SUMF1: variants seen among roughly 807,000 people sequenced by gnomAD.
SUMF1 encodes the protein formylglycine-generating enzyme.
SUMF1 carries 48 observed loss-of-function variants against 47.6 expected under a neutral mutation model. That is an observed-to-expected ratio of 1.01 (90% CI 0.80 to 1.28). The LOEUF (loss-of-function observed/expected upper bound fraction) is 1.28. Ranked by LOEUF, SUMF1 falls within the 50% of genes most tolerant of loss-of-function variation. The probability of loss-of-function intolerance (pLI) is 0.00; values close to 1 mark genes in which losing one functional copy is unlikely to be tolerated. For missense variants in SUMF1, 571 were observed against 485.4 expected, an observed-to-expected ratio of 1.18 and a Z score of -1.66; for synonymous variants, 230 against 192.1, an observed-to-expected ratio of 1.20 and a Z score of -1.63.
In SUMF1 at chr3:4,467,096, G is replaced by A. The variant is rs761237429; in HGVS notation, c.150C>T (p.Cys50=). The change falls in exon 1 of 9, where the codon TGC becomes TGT. Residue 50 remains cysteine, a synonymous_variant. Coordinates refer to ENST00000272902, the MANE Select transcript of SUMF1 (RefSeq NM_182760.4). ...CAGGCCGCTGGGGCGTGCCGCAGCC[G>A]CAAGAACCCGCAAGGGACCCCGCGC... is the stretch of plus-strand genomic sequence containing the variant. ...GAGAGSLAGS[C]GCGTPQRPGA... is the part of the protein sequence containing the mutation. The A allele has an allele frequency of 3.8e-6, 6 of 1,560,616 alleles. No homozygotes were observed. The highest frequency in any genetic ancestry group is 5.2e-6 in the Non-Finnish European group (6 of 1,153,768).
intron 8 of SUMF1, among the ~76,000 whole-genome samples, chr3:4,271,479 A>ATAGAT (rs1409851669): frequency 2.2e-5 from 3 of 133,558 alleles, no homozygotes; most frequent in African/African-American, 9.6e-5. Flanking sequence ...AGATAGATAG[A>ATAGAT]TAGATAGATA....
chr3:4,164,184 T>C (rs1335755254), intron 8 of SUMF1, among the ~76,000 whole-genome samples: 1 of 152,042 alleles, frequency 6.6e-6, no homozygotes, highest in African/African-American at 2.4e-5. Flanking sequence ...CAATTACAAC[T>C]GAGGAGGTGG....
At chr3:4,222,557 C>T (rs1256402266) in intron 8 of SUMF1, among the ~76,000 whole-genome samples, 1 of 151,998 alleles carries the variant, frequency 6.6e-6, no homozygotes, top group African/African-American at 2.4e-5. Flanking sequence ...GAGTTACTCC[C>T]CTCAGCAGCC....
At chr3:4,227,598 C>G (rs972451806) in intron 8 of SUMF1, among the ~76,000 whole-genome samples, 2 of 152,124 alleles carry the variant, frequency 1.3e-5, no homozygotes, top group African/African-American at 2.4e-5. Flanking sequence ...TCCACACTCT[C>G]CCTAATCCAG....
chr3:4,381,267 C>T (rs549745431), intron 7 of SUMF1, among the ~76,000 whole-genome samples: 2 of 152,114 alleles, frequency 1.3e-5, no homozygotes, highest in Non-Finnish European at 2.9e-5. Flanking sequence ...TGTTCTCACT[C>T]ATAAGTGGGA....
chr3:4,123,351 C>T (rs903010182), intron 8 of SUMF1, among the ~76,000 whole-genome samples: 2 of 152,106 alleles, frequency 1.3e-5, no homozygotes, highest in Admixed American at 6.5e-5. Context: ...AGCTAAGTTC[C>T]ATATTCTGCA....
intron 8 of SUMF1, among the ~76,000 whole-genome samples, chr3:4,122,664 T>G (rs1167057848): frequency 6.6e-6 from 1 of 152,126 alleles, no homozygotes; most frequent in Non-Finnish European, 1.5e-5. Flanking sequence ...ATGGCAGACA[T>G]GGGATCAAGA....
At chr3:4,313,674 G>A (rs1033437042) in intron 8 of SUMF1, 12 of 1,613,840 alleles carry the variant, frequency 7.4e-6, no homozygotes, top group Admixed American at 1.7e-5. Context: ...TAGAAAAGTC[G>A]AACATCAGTT....
At chr3:4,310,852 A>G (rs1014941020) in intron 8 of SUMF1, among the ~76,000 whole-genome samples, 6 of 152,222 alleles carry the variant, frequency 3.9e-5, no homozygotes, top group Non-Finnish European at 8.8e-5. Context: ...AATCAACTTA[A>G]AAGTTTAACA....
intron 1 of SUMF1, among the ~76,000 whole-genome samples, chr3:4,462,009 C>A (rs777864428): frequency 6.6e-6 from 1 of 152,212 alleles, no homozygotes. Flanking sequence ...AAGAATGACT[C>A]TATTATTCAT....
At position 4,232,179 on chromosome 3, in the gene SUMF1, G is replaced by A. The variant is rs184543327; in HGVS notation, c.1014+144151C>T. On this transcript the variant is annotated intron_variant and NMD_transcript_variant, in intron 8 of 12. Transcript: ENST00000448413. ...TAATTTTATCAAAAGCAACCATACTGGGGCAGGAGAGTGTCAGACCCAATA... is the reference window on the plus strand; with the variant it reads ...TAATTTTATCAAAAGCAACCATACTAGGGCAGGAGAGTGTCAGACCCAATA... Among the ~76,000 whole-genome samples, 285 of 152,164 alleles carry A rather than the reference G, an allele frequency of 1.9e-3. 1 individual carries two copies. Among genetic ancestry groups the A allele is most frequent in the Middle Eastern group, 6.8e-3 (2 of 294 alleles).
intron 8 of SUMF1, among the ~76,000 whole-genome samples, chr3:4,222,509 A>G (rs778480043): frequency 3.9e-5 from 6 of 151,974 alleles, no homozygotes; most frequent in African/African-American, 9.7e-5. Context: ...CTCAAATCCA[A>G]CCTGGATGTA....
At chr3:4,236,136 A>G (rs995916279) in intron 8 of SUMF1, among the ~76,000 whole-genome samples, 2 of 152,196 alleles carry the variant, frequency 1.3e-5, no homozygotes, top group East Asian at 3.9e-4. Flanking sequence ...GGGTTTTGCC[A>G]TGTTGCCCAG....
At chr3:4,238,215 T>C (rs1194217128) in intron 8 of SUMF1, among the ~76,000 whole-genome samples, 2 of 152,176 alleles carry the variant, frequency 1.3e-5, no homozygotes, top group African/African-American at 4.8e-5. Context: ...GTCTTTGCTT[T>C]TGTGAACAGT....
At chr3:4,338,960 T>C (rs1559232272) in intron 8 of SUMF1, among the ~76,000 whole-genome samples, 1 of 152,172 alleles carries the variant, frequency 6.6e-6, no homozygotes, top group Admixed American at 6.5e-5. Flanking sequence ...GCCTCGCCAG[T>C]GCTGAATGGG....
At chr3:4,420,233 A>C in intron 3 of SUMF1, 87 bp from the exon 4 acceptor site, 1 of 987,012 alleles carries the variant, frequency 1.0e-6, no homozygotes, top group Non-Finnish European at 1.6e-6. Flanking sequence ...AAAAATCTCA[A>C]TGTCTTCAAC....
intron 8 of SUMF1, among the ~76,000 whole-genome samples, chr3:4,258,383 C>T (rs1235183705): frequency 1.4e-5 from 2 of 143,466 alleles, no homozygotes; most frequent in Non-Finnish European, 3.0e-5. Flanking sequence ...GGCTAATATC[C>T]AGAATCTACA....
chr3:4,185,810 A>G (rs1433051448), intron 8 of SUMF1, among the ~76,000 whole-genome samples: 1 of 152,220 alleles, frequency 6.6e-6, no homozygotes, highest in Non-Finnish European at 1.5e-5. Context: ...AATTACTGGA[A>G]TGATAGATAA....
At chr3:4,199,821 G>A (rs565877993) in intron 8 of SUMF1, among the ~76,000 whole-genome samples, 1 of 152,128 alleles carries the variant, frequency 6.6e-6, no homozygotes, top group South Asian at 2.1e-4. Context: ...ATTGGATTAT[G>A]AATCTTCAGG....
Sources: gnomAD v4.1 joint callset for allele counts (sites outside exome capture counted in the v4.1 genomes callset) on GRCh38, gnomAD v4.1.1 for gene constraint, MANE v1.5 for transcripts, NCBI Gene and HGNC (gene_info 2026-07-23, HGNC 2026-07-21) for gene names.